Variants in CDC42SE2 observed in about 807,000 individuals in gnomAD.
CDC42SE2 encodes CDC42 small effector protein 2.
Under a neutral mutation model 11.5 loss-of-function variants are expected in CDC42SE2, and 3 were observed. The observed-to-expected ratio is 0.26, with a 90% confidence interval of 0.12 to 0.67. The LOEUF is 0.67. Ranked by LOEUF, CDC42SE2 falls within the 30% of genes least tolerant of loss-of-function variation. The probability of loss-of-function intolerance (pLI) is 0.80; values close to 1 mark genes in which losing one functional copy is unlikely to be tolerated. For synonymous variants in CDC42SE2, 33 were observed against 34.8 expected (o/e 0.95, Z 0.18); for missense variants, 82 against 106.8 (o/e 0.77, Z 1.02).
intron 3 of CDC42SE2, among the ~76,000 whole-genome samples, chr5:131,360,032 G>C (rs927853310): frequency 2.6e-5 from 4 of 152,118 alleles, no homozygotes; most frequent in African/African-American, 9.7e-5. Context: ...CAGTGGTCTT[G>C]ACTGACTTCT....
intron 1 of CDC42SE2, among the ~76,000 whole-genome samples, chr5:131,281,255 C>T (rs1757233369): frequency 6.6e-6 from 1 of 152,136 alleles, no homozygotes; most frequent in African/African-American, 2.4e-5. Context: ...GTAGCTTTTT[C>T]TCTTACCCCC....
intron 1 of CDC42SE2, among the ~76,000 whole-genome samples, chr5:131,293,346 C>A (rs924452332): frequency 2.2e-4 from 34 of 152,200 alleles, no homozygotes; most frequent in African/African-American, 8.2e-4. Flanking sequence ...CCAAGGCAGG[C>A]AGATCACCTG....
chr5:131,308,604 A>G (rs1165446514), intron 1 of CDC42SE2, among the ~76,000 whole-genome samples: 1 of 151,336 alleles, frequency 6.6e-6, no homozygotes, highest in Non-Finnish European at 1.5e-5. Flanking sequence ...ATTTGTTTGT[A>G]TCCTCTTTTA....
At chr5:131,333,956 C>T (rs975534911) in intron 2 of CDC42SE2, among the ~76,000 whole-genome samples, 5 of 152,072 alleles carry the variant, frequency 3.3e-5, no homozygotes, top group Middle Eastern at 3.2e-3. Context: ...ACCCTTTATT[C>T]CCTTCTCCTG....
chr5:131,282,690 G>A lies in CDC42SE2; in HGVS notation c.-455+18524G>A, dbSNP rs1757260890. Among the ~76,000 whole-genome samples, 6 of 152,024 alleles carry A rather than the reference G, an allele frequency of 3.9e-5. 1 individual carries two copies. The South Asian group carries it at 1.2e-3, about 31-fold the overall frequency. On this transcript the variant is annotated intron_variant, in intron 1 of 4. Transcript: ENST00000505065. The stretch of plus-strand genomic sequence containing the variant: ...GTCACCTAGGCTGGAGTGCAGTGGC[G>A]CGATCTCGGCTCACTGCAAGCTCCG...
At chr5:131,352,958 T>G (rs889779120) in intron 2 of CDC42SE2, among the ~76,000 whole-genome samples, 1 of 152,118 alleles carries the variant, frequency 6.6e-6, no homozygotes, top group Non-Finnish European at 1.5e-5. Flanking sequence ...TTCATTATTA[T>G]CAACTGCTCA....
chr5:131,228,084 G>A, the CDC42SE2 span, among the ~76,000 whole-genome samples: 3 of 152,206 alleles, frequency 2.0e-5, no homozygotes, highest in Admixed American at 2.0e-4. Context: ...GTGTGCACCT[G>A]TAATCCCAGC....
intron 2 of CDC42SE2, among the ~76,000 whole-genome samples, chr5:131,340,587 T>G (rs1222274940): frequency 6.6e-6 from 1 of 152,182 alleles, no homozygotes; most frequent in African/African-American, 2.4e-5. Flanking sequence ...ATTCCAAAAT[T>G]ACAATTAAAA....
At chr5:131,351,259 C>CA (rs1057149703) in intron 2 of CDC42SE2, among the ~76,000 whole-genome samples, 32 of 147,364 alleles carry the variant, frequency 2.2e-4, no homozygotes, top group Non-Finnish European at 4.7e-4. Flanking sequence ...CCTGATTTTC[C>CA]TTTTTTTTTT....
chr5:131,392,884 G>C lies in CDC42SE2; in HGVS notation c.*1793G>C, dbSNP rs1212848774. On this transcript the variant is annotated 3_prime_UTR_variant, in exon 5 of 5. Coordinates refer to ENST00000505065, the MANE Select transcript of CDC42SE2 (RefSeq NM_001375635.1). ...TTTCTGTGCTCTACATATTATTTTAGGGGCCACATCAGTTGCCAAGAGCAA... is the reference window on the plus strand; with the variant it reads ...TTTCTGTGCTCTACATATTATTTTACGGGCCACATCAGTTGCCAAGAGCAA... 1 of 152,270 alleles carries C rather than the reference G, an allele frequency of 6.6e-6. No homozygotes were observed. The highest frequency in any genetic ancestry group is 2.4e-5 in the African/African-American group (1 of 41,430). The allele number at this position is 152,270 out of a possible 1,614,324, so 9.4% of individuals were successfully genotyped here. A position where few individuals can be genotyped will look rare whatever the true frequency, so the allele number is the denominator to read the frequency against.
the CDC42SE2 span, among the ~76,000 whole-genome samples, chr5:131,229,375 AG>A: frequency 6.6e-6 from 1 of 152,084 alleles, no homozygotes; most frequent in East Asian, 1.9e-4. Flanking sequence ...TTCTTCCTGT[AG>A]CCTGTAATTT....
the CDC42SE2 span, among the ~76,000 whole-genome samples, chr5:131,221,764 A>C: frequency 6.6e-6 from 1 of 152,178 alleles, no homozygotes; most frequent in African/African-American, 2.4e-5. Context: ...ACGATTTCTA[A>C]CACTTACTTA....
intron 2 of CDC42SE2, among the ~76,000 whole-genome samples, chr5:131,323,170 G>T (rs1262700818): frequency 6.6e-6 from 1 of 150,828 alleles, no homozygotes; most frequent in Non-Finnish European, 1.5e-5. Flanking sequence ...GGGACCACAG[G>T]CATGTGCCAC....
intron 2 of CDC42SE2, among the ~76,000 whole-genome samples, chr5:131,357,016 A>G (rs1460215808): frequency 6.6e-6 from 1 of 152,202 alleles, no homozygotes; most frequent in Non-Finnish European, 1.5e-5. Context: ...TGTTCATGAG[A>G]CTGTATATTT....
chr5:131,287,291 G>A (rs532260180), intron 1 of CDC42SE2, among the ~76,000 whole-genome samples: 7 of 151,958 alleles, frequency 4.6e-5, no homozygotes, highest in South Asian at 4.2e-4. Context: ...CACCTCGCCC[G>A]GCCTTGGGTC....
At chr5:131,319,069 G>C (rs191864699) in intron 2 of CDC42SE2, among the ~76,000 whole-genome samples, 1 of 151,988 alleles carries the variant, frequency 6.6e-6, no homozygotes, top group East Asian at 1.9e-4. Context: ...TCCTGGCCAA[G>C]TTTTTTTGTA....
At chr5:131,343,458 A>G (rs1758761041) in intron 2 of CDC42SE2, among the ~76,000 whole-genome samples, 1 of 152,148 alleles carries the variant, frequency 6.6e-6, no homozygotes, top group African/African-American at 2.4e-5. Context: ...CATGCCTGTA[A>G]TTCCAGCACC....
intron 1 of CDC42SE2, among the ~76,000 whole-genome samples, chr5:131,281,620 T>C (rs1344131147): frequency 6.6e-6 from 1 of 152,238 alleles, no homozygotes; most frequent in African/African-American, 2.4e-5. Flanking sequence ...AACAGTGACC[T>C]TGTTTTTGTA....
intron 1 of CDC42SE2, among the ~76,000 whole-genome samples, chr5:131,252,489 A>G (rs1250462897): frequency 6.6e-6 from 1 of 152,140 alleles, no homozygotes; most frequent in Non-Finnish European, 1.5e-5. Context: ...CCCCGTCTCT[A>G]CTAAAAATAC....
Sources: gnomAD v4.1 joint callset for allele counts (sites outside exome capture counted in the v4.1 genomes callset) on GRCh38, gnomAD v4.1.1 for gene constraint, MANE v1.5 for transcripts, NCBI Gene and HGNC (gene_info 2026-07-23, HGNC 2026-07-21) for gene names.